S100A13: variants seen among roughly 807,000 people sequenced by gnomAD.
The protein encoded by S100A13 is S100 calcium binding protein A13, also known as protein S100-A13.
A neutral mutation model predicts 8.2 loss-of-function variants in S100A13; 6 were observed. The ratio of observed to expected loss-of-function variants is 0.73; its 90% confidence interval spans 0.40 to 1.44. The LOEUF (loss-of-function observed/expected upper bound fraction) is 1.44, where lower values mean the gene tolerates loss of function less well. Among genes scored for constraint, S100A13 ranks in the 40% most tolerant of loss-of-function variants. The pLI, the probability that S100A13 is intolerant of heterozygous loss-of-function variation, is 0.02. For missense variants in S100A13, 114 were observed against 113.6 expected (o/e 1.00, Z -0.02); for synonymous variants, 39 against 45.9 (o/e 0.85, Z 0.61).
intron 2 of S100A13, among the ~76,000 whole-genome samples, chr1:153,623,448 CAAT>C (rs1286562584): frequency 6.6e-6 from 1 of 151,382 alleles, no homozygotes; most frequent in Non-Finnish European, 1.5e-5. Flanking sequence ...TGCAGTGGTG[CAAT>C]CTCAGCTCCC....
upstream of S100A13, chr1:153,628,120 C>A (rs1367649621): frequency 5.8e-6 from 9 of 1,547,716 alleles, no homozygotes; most frequent in Middle Eastern, 1.7e-4. Context: ...TCCCCCCTTA[C>A]CGGGCTCAAC....
upstream of S100A13, chr1:153,628,726 G>T (rs1667826098): frequency 1.4e-6 from 1 of 731,430 alleles, no homozygotes; most frequent in African/African-American, 1.8e-5. Context: ...CTCAGCAAAG[G>T]AGGAAGCCAG....
upstream of S100A13, chr1:153,630,951 T>C (rs1022039372): frequency 8.9e-6 from 4 of 450,720 alleles, no homozygotes; most frequent in African/African-American, 7.8e-5. Flanking sequence ...AACCATGAAC[T>C]CCAGGAAATA....
At chr1:153,619,097 G>T (rs1667075298) in intron 2 of S100A13, 59 bp from the exon 3 acceptor site, 2 of 1,501,622 alleles carry the variant, frequency 1.3e-6, no homozygotes, top group East Asian at 2.3e-5. Context: ...AGAAAGTAGG[G>T]AGGGAAGAAC....
chr1:153,631,280 C>A, upstream of S100A13: 1 of 628,292 alleles, frequency 1.6e-6, no homozygotes, highest in Non-Finnish European at 2.7e-6. Flanking sequence ...TTTTATTGGA[C>A]TGGGTTCAAA....
chr1:153,625,122 C>T (rs1667525923), intron 2 of S100A13, among the ~76,000 whole-genome samples: 1 of 152,104 alleles, frequency 6.6e-6, no homozygotes, highest in Non-Finnish European at 1.5e-5. Flanking sequence ...CCTGTGGTCC[C>T]AGCTACTTGT....
At position 153,618,823 on chromosome 1, in the gene S100A13, A is replaced by G; in HGVS notation, c.*72T>C. ...ATTTGTGTTTCAAGGAGGAAGCTTT[A>G]TTTGGGAAGAGTGCGGTTCTGCTCG... On this transcript the variant is annotated 3_prime_UTR_variant, in exon 3 of 3. Transcript: ENST00000476133. 1 of 1,429,318 alleles carries G rather than the reference A, an allele frequency of 7.0e-7. No homozygotes were observed. Among genetic ancestry groups the G allele is most frequent in the Non-Finnish European group, 9.6e-7 (1 of 1,041,394 alleles). The allele number at this position is 1,429,318 out of a possible 1,614,324, so 88.5% of individuals were successfully genotyped here.
At chr1:153,619,844 CAGA>C (rs994378495) in intron 2 of S100A13, among the ~76,000 whole-genome samples, 1 of 152,156 alleles carries the variant, frequency 6.6e-6, no homozygotes, top group Non-Finnish European at 1.5e-5. Context: ...AGCTGATTCA[CAGA>C]AGAACTAAAA....
intron 2 of S100A13, among the ~76,000 whole-genome samples, chr1:153,623,683 G>A (rs1247774456): frequency 6.6e-6 from 1 of 152,184 alleles, no homozygotes; most frequent in Non-Finnish European, 1.5e-5. Context: ...TGAGCTTTGA[G>A]GAGAGAAGAC....
intron 2 of S100A13, among the ~76,000 whole-genome samples, chr1:153,619,484 G>A (rs372894724): frequency 2.6e-5 from 4 of 152,208 alleles, no homozygotes; most frequent in Non-Finnish European, 4.4e-5. Context: ...TCAGAAAGCT[G>A]GAGAAGCTCC....
intron 2 of S100A13, among the ~76,000 whole-genome samples, chr1:153,623,530 C>T (rs1245602320): frequency 3.3e-5 from 5 of 152,124 alleles, no homozygotes; most frequent in East Asian, 1.9e-4. Flanking sequence ...GGATTACAGG[C>T]GCACACAACC....
At chr1:153,633,361 A>C (rs879446557), upstream of S100A13, among the ~76,000 whole-genome samples, 2 of 152,094 alleles carry the variant, frequency 1.3e-5, no homozygotes, top group African/African-American at 4.8e-5. Context: ...AAATAACAAC[A>C]ACAAATCAGA....
chr1:153,621,142 A>G (rs1184412740), intron 2 of S100A13, among the ~76,000 whole-genome samples: 1 of 150,462 alleles, frequency 6.6e-6, no homozygotes, highest in African/African-American at 2.4e-5. Context: ...TATGATCCCA[A>G]TTAAACTATC....
upstream of S100A13, chr1:153,629,587 T>C (rs1445782920): frequency 6.6e-6 from 1 of 152,492 alleles, no homozygotes; most frequent in East Asian, 1.9e-4. Flanking sequence ...CTTCTCCTAC[T>C]CTCTCCCAGC....
upstream of S100A13, chr1:153,632,901 G>A (rs1396043044): frequency 6.6e-6 from 1 of 152,170 alleles, no homozygotes; most frequent in East Asian, 1.9e-4. Context: ...CGGGCACAGT[G>A]GCTCACGACT....
At chr1:153,631,437 C>G, upstream of S100A13, 1 of 1,547,516 alleles carries the variant, frequency 6.5e-7, no homozygotes, top group Non-Finnish European at 8.8e-7. Flanking sequence ...GCTTGTAAAG[C>G]TCCTAGTGTA....
upstream of S100A13, among the ~76,000 whole-genome samples, chr1:153,630,840 T>C (rs1307172747): frequency 6.6e-6 from 1 of 152,224 alleles, no homozygotes; most frequent in Non-Finnish European, 1.5e-5. Context: ...CAAGTCAAAA[T>C]GCCCTGGTTT....
intron 2 of S100A13, among the ~76,000 whole-genome samples, chr1:153,620,409 C>A (rs1223716415): frequency 9.4e-5 from 14 of 149,506 alleles, no homozygotes; most frequent in Middle Eastern, 3.4e-3. Context: ...TGTAGTGAGC[C>A]GAGATCAAGC....
chr1:153,629,370 C>A (rs1370969314), upstream of S100A13: 1 of 152,250 alleles, frequency 6.6e-6, no homozygotes, highest in Non-Finnish European at 1.5e-5. Flanking sequence ...ATGACACTCA[C>A]AAGGGCCCCA....
Sources: allele counts gnomAD v4.1 joint callset (sites outside exome capture counted in the v4.1 genomes callset), GRCh38; gene constraint gnomAD v4.1.1; transcripts MANE v1.5; gene names NCBI Gene and HGNC (gene_info 2026-07-23, HGNC 2026-07-21).